MGAM: variants seen among roughly 807,000 people sequenced by gnomAD.
MGAM encodes maltase-glucoamylase, also known as alpha-1,4-glucosidase.
A neutral mutation model predicts 358.8 loss-of-function variants in MGAM; 253 were observed. That is an observed-to-expected ratio of 0.71 (90% confidence interval 0.64 to 0.78). MGAM has a LOEUF of 0.78. Among genes scored for constraint, MGAM ranks in the 30% least tolerant of loss-of-function variants. The probability of loss-of-function intolerance (pLI) is 0.00; values close to 1 mark genes in which losing one functional copy is unlikely to be tolerated. For missense variants in MGAM, 3,080 were observed against 3,432.6 expected (o/e 0.90, Z 2.57); for synonymous variants, 1,105 against 1,227.1 (o/e 0.90, Z 2.08).
chr7:142,086,069 A>G (rs1814725293), intron 55 of MGAM, 108 bp downstream of exon 55: 12 of 1,483,112 alleles, frequency 8.1e-6, no homozygotes, highest in East Asian at 6.9e-5. Context: ...ATTGAAGTGT[A>G]GTAAGAAATG....
rs1489668081 is a variant in MGAM, at chr7:142,036,965, C to T, written c.2219C>T (p.Pro740Leu). 1 of 1,613,032 alleles carries T rather than the reference C, an allele frequency of 6.2e-7. No individual in the cohort carries two copies. The highest frequency in any genetic ancestry group is 8.5e-7 in the Non-Finnish European group (1 of 1,179,482). Residue 740 changes from proline to leucine, a missense_variant, in exon 18 of 71, where the codon CCC becomes CTC. Coordinates refer to ENST00000475668, the MANE Select transcript of MGAM (RefSeq NM_001365693.1). ...AHSRGDTVARPLLHEFYEDNS... is the reference protein window; with the variant it reads ...AHSRGDTVARLLLHEFYEDNS... Reference sequence around the variant, plus strand: ...AGCCGAGGGGACACGGTGGCCAGGCCCCTTTTGCATGAGTAAGTTCACCTA... The same window carrying T: ...AGCCGAGGGGACACGGTGGCCAGGCTCCTTTTGCATGAGTAAGTTCACCTA...
chr7:142,076,411 G>T, intron 46 of MGAM, 159 bp downstream of exon 46: 1 of 935,084 alleles, frequency 1.1e-6, no homozygotes, highest in East Asian at 2.4e-5. Context: ...GTTTTCAAAA[G>T]GAGGCATTAA....
chr7:142,052,028 G>T (rs568715615), intron 24 of MGAM, among the ~76,000 whole-genome samples: 2 of 152,086 alleles, frequency 1.3e-5, no homozygotes, highest in African/African-American at 2.4e-5. Context: ...AAAGAATAAG[G>T]GGTGATCACA....
intron 2 of MGAM, among the ~76,000 whole-genome samples, chr7:141,987,889 T>C (rs545087010): frequency 2.3e-4 from 35 of 152,330 alleles, no homozygotes; most frequent in African/African-American, 7.9e-4. Context: ...GAGTGACCTT[T>C]AGCAACTCAT....
rs373200528 is a variant in MGAM at position 142,027,670 on chromosome 7, G to A, written c.1156G>A (p.Glu386Lys). The change falls in exon 10 of 71, where the codon GAA (glutamate) becomes AAA (lysine). Residue 386 changes from glutamate to lysine, a missense_variant. Coordinates refer to ENST00000475668, the MANE Select transcript of MGAM (RefSeq NM_001365693.1). ...WALGFHLSRY[E>K]YGTLDNMREV... ...GCTTGGATTTCACCTCAGTCGTTAC[G>A]AATATGGAACCTTAGACAACATGAG... 15 of 1,613,564 alleles carry A rather than the reference G, an allele frequency of 9.3e-6. No homozygotes were observed. The highest frequency in any genetic ancestry group is 2.7e-5 in the African/African-American group (2 of 74,918).
intron 23 of MGAM, 66 bp from the exon 24 acceptor site, chr7:142,050,631 G>A (rs1810854142): frequency 6.7e-7 from 1 of 1,484,642 alleles, no homozygotes; most frequent in Non-Finnish European, 9.2e-7. Flanking sequence ...TGGAATATTT[G>A]AGTGACTTGA....
chr7:142,097,620 C>T lies in MGAM; in HGVS notation c.7720C>T (p.Pro2574Ser). ...RNARNVTAYF[P>S]RARWYDYYTG... ...TGCCAGAAATGTCACTGCATATTTC[C>T]CTAGAGCCCGCTGGTATGATTACTA... is the stretch of plus-strand genomic sequence containing the variant. Residue 2574 changes from proline to serine, a missense_variant, in exon 66 of 71, where the codon CCT becomes TCT. Physicochemically the swap from Pro to Ser is moderately conservative, Grantham distance 74. Transcript: ENST00000475668. 5.0e-6 allele frequency: 8 copies of T among 1,612,568 alleles called. No individual in the cohort carries two copies. The highest frequency in any genetic ancestry group is 6.8e-6 in the Non-Finnish European group (8 of 1,178,840).
intron 21 of MGAM, among the ~76,000 whole-genome samples, chr7:142,041,989 T>A (rs1280026080): frequency 2.3e-4 from 3 of 13,184 alleles, no homozygotes; most frequent in African/African-American, 5.7e-4. Context: ...TATAATATAA[T>A]ATATATATAT....
At position 142,080,774 on chromosome 7, in the gene MGAM, G is replaced by C. The variant is rs745500919; in HGVS notation, c.5848-17G>C. 2 of 1,541,386 alleles carry C rather than the reference G, an allele frequency of 1.3e-6. No individual in the cohort carries two copies. Among genetic ancestry groups the C allele is most frequent in the Non-Finnish European group, 1.8e-6 (2 of 1,123,722 alleles). On this transcript the variant is annotated splice_polypyrimidine_tract_variant and intron_variant, in intron 49 of 70. Coordinates refer to ENST00000475668, the MANE Select transcript of MGAM (RefSeq NM_001365693.1). ...AAGAGTAGTATTCTTGCCTAAAATC[G>C]TTTTCCTCTGGCCTAGATTTATGAT...
chr7:142,044,618 AAT>A, intron 21 of MGAM, among the ~76,000 whole-genome samples: 1 of 92,522 alleles, frequency 1.1e-5, no homozygotes, highest in African/African-American at 3.2e-5. Flanking sequence ...TATGATATAT[AAT>A]GTATATTATA....
At chr7:142,028,128 A>G (rs1454178503) in intron 10 of MGAM, among the ~76,000 whole-genome samples, 1 of 152,096 alleles carries the variant, frequency 6.6e-6, no homozygotes, top group Non-Finnish European at 1.5e-5. Flanking sequence ...GCTTCTCAGT[A>G]TGGATTTTCT....
chr7:141,993,322 CTG>C (rs2128971262), upstream of MGAM, among the ~76,000 whole-genome samples: 1 of 152,284 alleles, frequency 6.6e-6, no homozygotes, highest in African/African-American at 2.4e-5. Context: ...ATATCACAGA[CTG>C]TGGCTTTTGT....
intron 24 of MGAM, among the ~76,000 whole-genome samples, chr7:142,051,817 TA>T (rs1810996546): frequency 6.6e-6 from 1 of 152,000 alleles, no homozygotes; most frequent in Admixed American, 6.6e-5. Flanking sequence ...AATTAAAAAT[TA>T]AAAAAAGAAA....
At chr7:142,027,815 C>T (rs1807113478) in intron 10 of MGAM, 80 bp downstream of exon 10, 1 of 1,354,230 alleles carries the variant, frequency 7.4e-7, no homozygotes, top group African/African-American at 1.5e-5. Flanking sequence ...ATTTTCTCTC[C>T]CTGAGTTTAA....
chr7:142,055,191 A>G (rs1316313241), intron 27 of MGAM, among the ~76,000 whole-genome samples: 1 of 152,178 alleles, frequency 6.6e-6, no homozygotes, highest in East Asian at 1.9e-4. Context: ...TTCTCTTCTC[A>G]TGACAACAAA....
chr7:142,080,990 C>T, intron 50 of MGAM, 45 bp downstream of exon 50: 1 of 1,467,930 alleles, frequency 6.8e-7, no homozygotes. Context: ...CTACCTGCGC[C>T]TTCGCTGCCA....
In MGAM at chr7:142,082,519, A is replaced by G. The variant is rs559679122; in HGVS notation, c.6216A>G (p.Leu2072=). ...SYGVHPYYMG[L]EEDGSAHGVL... is the part of the protein sequence containing the mutation. ...GTGTCCACCCCTACTACATGGGGCTAGAGGAGGATGGCAGTGCCCATGGAG... is the reference window on the plus strand; with the variant it reads ...GTGTCCACCCCTACTACATGGGGCTGGAGGAGGATGGCAGTGCCCATGGAG... Residue 2072 remains leucine, a synonymous_variant, in exon 52 of 71, where the codon CTA becomes CTG. Coordinates refer to ENST00000475668, the MANE Select transcript of MGAM (RefSeq NM_001365693.1). 3.3e-6 allele frequency: 5 copies of G among 1,535,476 alleles called. 1 individual carries two copies. The highest frequency in any genetic ancestry group is 2.7e-5 in the African/African-American group (2 of 74,468).
rs1017512220 is a variant in MGAM, at chr7:142,030,076, T to A, written c.1222-286T>A. 4.6e-5 allele frequency among the ~76,000 whole-genome samples: 7 copies of A among 152,254 alleles called. No individual in the cohort carries two copies. In the South Asian group the frequency reaches 1.4e-3, roughly 32 times the overall value. On this transcript the variant is annotated intron_variant, in intron 10 of 70. Coordinates refer to ENST00000475668, the MANE Select transcript of MGAM (RefSeq NM_001365693.1). ...GATTGTCTTAGGGGTTTGTCATAAT[T>A]GGTGTTGCTTGCTTGATTGGTTTTT...
chr7:142,040,664 A>T, intron 20 of MGAM, 58 bp from the exon 21 acceptor site: 10 of 1,593,090 alleles, frequency 6.3e-6, no homozygotes, highest in Non-Finnish European at 8.6e-6. Flanking sequence ...CATGTAGATA[A>T]TCAGTGAAGG....
Sources: gnomAD v4.1 joint callset for allele counts (sites outside exome capture counted in the v4.1 genomes callset) on GRCh38, gnomAD v4.1.1 for gene constraint, MANE v1.5 for transcripts, NCBI Gene and HGNC (gene_info 2026-07-23, HGNC 2026-07-21) for gene names.